AK8: variants seen among roughly 807,000 people sequenced by gnomAD.
AK8 encodes the protein adenylate kinase 8, also known as ATP-AMP transphosphorylase 8.
Under a neutral mutation model 54.6 loss-of-function variants are expected in AK8, and 44 were observed. The ratio of observed to expected loss-of-function variants is 0.81; its 90% CI spans 0.63 to 1.04. AK8 has a LOEUF of 1.04. Among genes scored for constraint, AK8 ranks in the 50% least tolerant of loss-of-function variants. The pLI is 0.00. For missense variants in AK8, 555 were observed against 613.6 expected (o/e 0.90, Z 1.01); for synonymous variants, 239 against 245.6 (o/e 0.97, Z 0.25).
chr9:132,779,750 G>A (rs1839381118), intron 11 of AK8, among the ~76,000 whole-genome samples: 1 of 152,194 alleles, frequency 6.6e-6, no homozygotes, highest in South Asian at 2.1e-4. Context: ...CGTTAAATGT[G>A]TCTTCTTCAA....
rs1434590724 is a variant in AK8, at chr9:132,866,923, G to T, written c.200C>A (p.Ala67Asp). 10 of 1,613,950 alleles carry T rather than the reference G, an allele frequency of 6.2e-6. No homozygotes were observed. The highest frequency in any genetic ancestry group is 8.5e-6 in the Non-Finnish European group (10 of 1,179,996). ...ACTTACTATTGTTGTTTTCCCTGAG[G>T]CGGGTGGACCTAATATTACAATCCT... ...VPRIVILGPP[A>D]SGKTTIAMWL... Residue 67 changes from alanine (A) to aspartate (D), a missense_variant, in exon 3 of 13, where the codon GCC becomes GAC. By Grantham distance (126) the Ala-to-Asp change is moderately radical. Coordinates refer to ENST00000298545, the MANE Select transcript of AK8 (RefSeq NM_152572.3).
intron 11 of AK8, among the ~76,000 whole-genome samples, chr9:132,757,688 G>A (rs1282965919): frequency 2.0e-5 from 3 of 152,138 alleles, no homozygotes; most frequent in African/African-American, 7.2e-5. Flanking sequence ...CCAGGCCTTT[G>A]CCCCTTCTGT....
rs1461416031 is a variant in AK8 at position 132,781,980 on chromosome 9, C to T, written c.1121+10654G>A. ...AAGGAAAATATACCTTCAATGACTACGAAAGGATGATCAACAGCAGCATAT... is the reference window on the plus strand; with the variant it reads ...AAGGAAAATATACCTTCAATGACTATGAAAGGATGATCAACAGCAGCATAT... On this transcript the variant is annotated intron_variant, in intron 11 of 12. Transcript: ENST00000298545. This position sits in a 1 kb window ranked among gnomAD's most constrained non-coding sequence, Gnocchi z 4.6. Among the ~76,000 whole-genome samples, 1 of 152,166 alleles carries T rather than the reference C, an allele frequency of 6.6e-6. No individual in the cohort carries two copies. The highest frequency in any genetic ancestry group is 2.1e-4 in the South Asian group (1 of 4,828).
intron 10 of AK8, among the ~76,000 whole-genome samples, chr9:132,809,485 G>T (rs1840894070): frequency 6.6e-6 from 1 of 152,186 alleles, no homozygotes. Flanking sequence ...CTGGCCCACA[G>T]TGCAGAGGAA....
At chr9:132,835,794 C>G (rs1035555894) in intron 5 of AK8, among the ~76,000 whole-genome samples, 1 of 152,236 alleles carries the variant, frequency 6.6e-6, no homozygotes, top group South Asian at 2.1e-4. Flanking sequence ...TCTAGACCAG[C>G]CTGGACAACA....
chr9:132,840,062 C>A (rs892948677), intron 5 of AK8, among the ~76,000 whole-genome samples: 2 of 152,152 alleles, frequency 1.3e-5, no homozygotes, highest in Admixed American at 1.3e-4. Flanking sequence ...AGGTGATCCA[C>A]CCGCCTTGGC....
Position 132,727,536 on chromosome 9 carries a change from T to C in AK8, c.1122-2A>G. 2 of 1,612,440 alleles carry C rather than the reference T, an allele frequency of 1.2e-6. No individual in the cohort carries two copies. Among genetic ancestry groups the C allele is most frequent in the Non-Finnish European group, 1.7e-6 (2 of 1,178,484 alleles). ...AATGGCACATTCAGGAAAAACACCC[T>C]ATAAGGAAATAAACCATATTAATAA... is the stretch of plus-strand genomic sequence containing the variant. On this transcript the variant is annotated splice_acceptor_variant, in intron 11 of 12. Coordinates refer to ENST00000298545, the MANE Select transcript of AK8 (RefSeq NM_152572.3). LOFTEE classifies it high-confidence loss of function.
At position 132,803,743 on chromosome 9, in the gene AK8, C is replaced by T. The variant is rs1178504012; in HGVS notation, c.979+10895G>A. On this transcript the variant is annotated intron_variant, in intron 10 of 12. Coordinates refer to ENST00000298545, the MANE Select transcript of AK8 (RefSeq NM_152572.3). This position sits in a 1 kb window ranked among gnomAD's most constrained non-coding sequence, Gnocchi z 4.4. ...GCCCCTCCCATCTGGGAGTGACAGTCACTTGCCTCCCTTCTAGAAATCCTT... is the reference window on the plus strand; with the variant it reads ...GCCCCTCCCATCTGGGAGTGACAGTTACTTGCCTCCCTTCTAGAAATCCTT... Among the ~76,000 whole-genome samples the T allele has an allele frequency of 1.3e-5, 2 of 152,152 alleles. No individual in the cohort carries two copies. Among genetic ancestry groups the T allele is most frequent in the Non-Finnish European group, 2.9e-5 (2 of 68,028 alleles).
At chr9:132,823,884 G>A (rs764968268) in intron 8 of AK8, among the ~76,000 whole-genome samples, 4 of 152,268 alleles carry the variant, frequency 2.6e-5, no homozygotes, top group Non-Finnish European at 5.9e-5. Context: ...TCGAATTGGA[G>A]AGTAGTTTGT....
At position 132,803,381 on chromosome 9, in the gene AK8, T is replaced by TA. The variant is rs1009306722; in HGVS notation, c.980-10607dup. On this transcript the variant is annotated intron_variant, in intron 10 of 12. Transcript: ENST00000298545. This position sits in a 1 kb window ranked among gnomAD's most constrained non-coding sequence, Gnocchi z 4.4. ...AGCAGTCATGGGAAATAAATAAATA[T>TA]AAAAAATCCCCCATATATAAAATAT... Among the ~76,000 whole-genome samples, 1 of 142,622 alleles carries TA rather than the reference T, an allele frequency of 7.0e-6. No homozygotes were observed. The highest frequency in any genetic ancestry group is 1.5e-5 in the Non-Finnish European group (1 of 64,790). The allele number at this position is 142,622 out of a possible 152,430, so 93.6% of individuals were successfully genotyped here.
chr9:132,757,761 T>C (rs1381817441), intron 11 of AK8, among the ~76,000 whole-genome samples: 1 of 152,102 alleles, frequency 6.6e-6, no homozygotes, highest in African/African-American at 2.4e-5. Context: ...ACTGAAATAC[T>C]CTATCTGTCT....
At position 132,814,979 on chromosome 9, in the gene AK8, C is replaced by T. The variant is rs1027969284; in HGVS notation, c.890-252G>A. On this transcript the variant is annotated intron_variant, in intron 9 of 12. Transcript: ENST00000298545. ...CAAAGAACACATTAAAAATGGACGGCGTGGGGAAGACACTAACGAGGATGT... is the reference window on the plus strand; with the variant it reads ...CAAAGAACACATTAAAAATGGACGGTGTGGGGAAGACACTAACGAGGATGT... 3.9e-5 allele frequency among the ~76,000 whole-genome samples: 6 copies of T among 152,304 alleles called. 1 individual carries two copies. Among genetic ancestry groups the T allele is most frequent in the East Asian group, 1.9e-4 (1 of 5,192 alleles).
chr9:132,785,786 T>C (rs749296167), intron 11 of AK8, among the ~76,000 whole-genome samples: 6 of 152,258 alleles, frequency 3.9e-5, no homozygotes, highest in Non-Finnish European at 8.8e-5. Context: ...AGCTTCCATA[T>C]AGCTTTTTAG....
intron 11 of AK8, among the ~76,000 whole-genome samples, chr9:132,766,521 T>C (rs531485525): frequency 1.3e-5 from 2 of 152,194 alleles, no homozygotes; most frequent in Non-Finnish European, 2.9e-5. Flanking sequence ...TGGAAAGACA[T>C]TCCATGTTCA....
At chr9:132,861,115 AAAAC>A (rs1194625245) in intron 4 of AK8, among the ~76,000 whole-genome samples, 1 of 152,156 alleles carries the variant, frequency 6.6e-6, no homozygotes, top group Non-Finnish European at 1.5e-5. Context: ...CAAACACTTA[AAAAC>A]AAACAAAAAT....
At chr9:132,801,160 TC>T (rs1196428852) in intron 10 of AK8, among the ~76,000 whole-genome samples, 2 of 152,156 alleles carry the variant, frequency 1.3e-5, no homozygotes, top group African/African-American at 4.8e-5. Flanking sequence ...GTTCCTGACT[TC>T]AGGTGATCTG....
At chr9:132,873,058 C>A (rs139908251) in intron 2 of AK8, among the ~76,000 whole-genome samples, 4,518 of 152,286 alleles carry the variant, frequency 0.03, 131 homozygotes, top group Middle Eastern at 0.048. Flanking sequence ...CATGATCCGC[C>A]CACCTCGGCC....
intron 11 of AK8, among the ~76,000 whole-genome samples, chr9:132,758,405 C>G (rs1360919090): frequency 6.6e-6 from 1 of 152,082 alleles, no homozygotes; most frequent in Non-Finnish European, 1.5e-5. Flanking sequence ...AAACAATGTA[C>G]CATTATGATT....
intron 1 of AK8, among the ~76,000 whole-genome samples, chr9:132,876,893 T>C (rs1268259681): frequency 1.3e-5 from 2 of 151,578 alleles, no homozygotes; most frequent in African/African-American, 2.4e-5. Context: ...ACCTCGTCTG[T>C]ACTAAAATTA....
Sources: allele counts gnomAD v4.1 joint callset (sites outside exome capture counted in the v4.1 genomes callset), GRCh38; gene constraint gnomAD v4.1.1; non-coding constraint Gnocchi (gnomAD v3.1); transcripts MANE v1.5; gene names NCBI Gene and HGNC (gene_info 2026-07-23, HGNC 2026-07-21).